Variants in ARHGEF16 observed in about 807,000 individuals in gnomAD.
The protein encoded by ARHGEF16 is Rho guanine nucleotide exchange factor 16.
A neutral mutation model predicts 74.1 loss-of-function variants in ARHGEF16; 59 were observed. The ratio of observed to expected loss-of-function variants is 0.80; its 90% confidence interval spans 0.65 to 0.99. ARHGEF16 has a LOEUF of 0.99. ARHGEF16 is among the 50% of genes least tolerant of loss of function. ARHGEF16 has a pLI of 0.00. For synonymous variants in ARHGEF16, 415 were observed against 412.6 expected, an observed-to-expected ratio of 1.01 and a Z score of -0.07; for missense variants, 948 against 986.6, an observed-to-expected ratio of 0.96 and a Z score of 0.52.
chr1:3,474,621 G>A, intron 8 of ARHGEF16, 87 bp from the exon 9 acceptor site: 2 of 1,316,460 alleles, frequency 1.5e-6, no homozygotes, highest in Non-Finnish European at 2.2e-6. Context: ...CCACCCTGCA[G>A]CCCCACACGG....
intron 4 of ARHGEF16, chr1:3,468,425 G>C (rs1365558586): frequency 5.1e-6 from 1 of 194,834 alleles, no homozygotes; most frequent in Admixed American, 5.4e-5. Context: ...GGGCCCCGAG[G>C]AGGAGGGAGC....
At chr1:3,472,903 T>C in intron 6 of ARHGEF16, 175 bp from the exon 7 acceptor site, 1 of 214,280 alleles carries the variant, frequency 4.7e-6, no homozygotes, top group South Asian at 4.6e-5. Flanking sequence ...CTGTCCAGCA[T>C]CCCAGGTCCG....
At chr1:3,455,742 A>G (rs1639252713) in intron 1 of ARHGEF16, among the ~76,000 whole-genome samples, 2 of 151,750 alleles carry the variant, frequency 1.3e-5, no homozygotes, top group South Asian at 4.2e-4. Flanking sequence ...GCAGGTCCTG[A>G]CCCCTCCGTG....
chr1:3,461,092 C>T (rs1048576878), intron 1 of ARHGEF16, among the ~76,000 whole-genome samples: 10 of 152,306 alleles, frequency 6.6e-5, no homozygotes, highest in Admixed American at 3.3e-4. Flanking sequence ...AGTTTCCACC[C>T]GCAAGAGACT....
rs1639223683 is a variant in ARHGEF16, at chr1:3,454,672, C to G, written c.-159C>G. 6.6e-6 allele frequency: 1 copy of G among 151,522 alleles called. No individual in the cohort carries two copies. Among genetic ancestry groups the G allele is most frequent in the African/African-American group, 2.4e-5 (1 of 41,292 alleles). The allele number at this position is 151,522 out of a possible 1,614,324, so 9.4% of individuals were successfully genotyped here. ...CCGCAGCCGCCGCCCTCCAGCCAGA[C>G]CGCGCAGGAAGCGGAGGAGGCGCCC... On this transcript the variant is annotated 5_prime_UTR_variant, in exon 1 of 15. Coordinates refer to ENST00000378378, the MANE Select transcript of ARHGEF16 (RefSeq NM_014448.4).
chr1:3,479,758 T>A (rs978991870), intron 13 of ARHGEF16, 54 bp from the exon 14 acceptor site: 14 of 1,586,558 alleles, frequency 8.8e-6, no homozygotes, highest in Non-Finnish European at 1.2e-5. Flanking sequence ...CGTTGGGGAG[T>A]GGAGCCTGGC....
At chr1:3,457,669 C>A (rs1012305209) in intron 1 of ARHGEF16, among the ~76,000 whole-genome samples, 2 of 152,244 alleles carry the variant, frequency 1.3e-5, no homozygotes, top group African/African-American at 4.8e-5. Context: ...CGGACAGGAA[C>A]GGACAGGCTG....
In ARHGEF16 at chr1:3,479,196, G is replaced by A. The variant is rs147027856; in HGVS notation, c.1815-321G>A. Among the ~76,000 whole-genome samples the A allele has an allele frequency of 2.7e-3, 411 of 152,348 alleles. 7 individuals carry two copies. Among genetic ancestry groups the A allele is most frequent in the African/African-American group, 9.3e-3 (388 of 41,570 alleles). Reference sequence around the variant, plus strand: ...TCTTGACTGAGGACAGCTCTGGGCCGTTTCCAGATGAGGATGCTGAGGCTG... The same window carrying A: ...TCTTGACTGAGGACAGCTCTGGGCCATTTCCAGATGAGGATGCTGAGGCTG... On this transcript the variant is annotated intron_variant, in intron 12 of 14. Coordinates refer to ENST00000378378, the MANE Select transcript of ARHGEF16 (RefSeq NM_014448.4).
At chr1:3,469,323 C>T (rs1639637980) in intron 5 of ARHGEF16, 110 bp from the exon 6 acceptor site, 1 of 1,310,336 alleles carries the variant, frequency 7.6e-7, no homozygotes, top group East Asian at 2.4e-5. Context: ...GGGTTCCTGT[C>T]CCCACCTGCC....
chr1:3,478,617 G>A lies in ARHGEF16; in HGVS notation c.1814+5G>A. 1.2e-6 allele frequency: 2 copies of A among 1,601,308 alleles called. No homozygotes were observed. The highest frequency in any genetic ancestry group is 1.7e-4 in the Middle Eastern group (1 of 5,892). On this transcript the variant is annotated splice_donor_5th_base_variant and intron_variant, in intron 12 of 14. Transcript: ENST00000378378. ...CCTGCTCTCCTCGGACTCCGCGTAA[G>A]TGGGCTCCCGGGAGGGCTGTTCCCA...
chr1:3,464,894 G>A (rs1041873457), intron 2 of ARHGEF16, among the ~76,000 whole-genome samples: 14 of 152,154 alleles, frequency 9.2e-5, no homozygotes, highest in African/African-American at 2.7e-4. Flanking sequence ...CTCAGGAGAC[G>A]CCAAGACCAC....
In ARHGEF16 at chr1:3,466,153, G is replaced by A. The variant is rs961123117; in HGVS notation, c.594G>A (p.Thr198=). The A allele has an allele frequency of 1.0e-5, 16 of 1,548,280 alleles. No individual in the cohort carries two copies. Among genetic ancestry groups the A allele is most frequent in the Admixed American group, 4.0e-5 (2 of 50,214 alleles). The change falls in exon 3 of 15, where the codon ACG becomes ACA. Residue 198 remains threonine (T), a synonymous_variant. Transcript: ENST00000378378. ...HTRSPAKNKK[T]LGRKRGHKGS... is the part of the protein sequence containing the mutation. Reference sequence around the variant, plus strand: ...TGTGTCTCTCTTTTGTGCAGAAGACGCTGGGGAGGAAACGTGGGCACAAGG... The same window carrying A: ...TGTGTCTCTCTTTTGTGCAGAAGACACTGGGGAGGAAACGTGGGCACAAGG...
intron 12 of ARHGEF16, among the ~76,000 whole-genome samples, chr1:3,479,191 G>A (rs72633378): frequency 0.066 from 10,019 of 152,312 alleles, 534 homozygotes; most frequent in East Asian, 0.18. Context: ...GGACAGCTCT[G>A]GGCCGTTTCC....
chr1:3,457,628 C>T (rs562854929), intron 1 of ARHGEF16, among the ~76,000 whole-genome samples: 136 of 152,334 alleles, frequency 8.9e-4, no homozygotes, highest in Non-Finnish European at 7.8e-4. Flanking sequence ...ACACTGGGTC[C>T]GAGATCCAGC....
intron 4 of ARHGEF16, among the ~76,000 whole-genome samples, chr1:3,467,914 C>T (rs1036914553): frequency 2.6e-5 from 4 of 151,984 alleles, no homozygotes; most frequent in African/African-American, 4.8e-5. Flanking sequence ...TGGCGGGCAG[C>T]GGGGAGGGCG....
At chr1:3,469,751 C>T (rs1639653561) in intron 6 of ARHGEF16, among the ~76,000 whole-genome samples, 158 bp downstream of exon 6, 1 of 152,236 alleles carries the variant, frequency 6.6e-6, no homozygotes, top group African/African-American at 2.4e-5. Context: ...GTGTGATGAC[C>T]TCTGAGGGTC....
chr1:3,468,366 G>A (rs989279719), intron 4 of ARHGEF16, among the ~76,000 whole-genome samples: 4 of 152,168 alleles, frequency 2.6e-5, no homozygotes, highest in African/African-American at 7.2e-5. Flanking sequence ...TGGTCCTGAC[G>A]TGCTCTACCA....
rs567294084 is a variant in ARHGEF16 at position 3,478,007 on chromosome 1, G to T, written c.1606G>T (p.Val536Phe). Residue 536 changes from valine (V) to phenylalanine (F), a missense_variant, in exon 11 of 15, where the codon GTT becomes TTT. Transcript: ENST00000378378. ...CYLFLFNDVL[V>F]VTKKKSEESY... Reference sequence around the variant, plus strand: ...CCTTTTCCTGTTCAACGATGTCCTGGTTGTGACCAAGAAGAAGAGGTGGCC... The same window carrying T: ...CCTTTTCCTGTTCAACGATGTCCTGTTTGTGACCAAGAAGAAGAGGTGGCC... 4 of 1,612,718 alleles carry T rather than the reference G, an allele frequency of 2.5e-6. No homozygotes were observed. The East Asian group carries it at 8.9e-5, about 36-fold the overall frequency.
At chr1:3,469,636 G>A (rs1639649505) in intron 6 of ARHGEF16, 43 bp downstream of exon 6, 8 of 1,608,684 alleles carry the variant, frequency 5.0e-6, no homozygotes, top group Non-Finnish European at 6.8e-6. Context: ...CCTCTGCCAG[G>A]AAGGTGCCTC....
Sources: allele counts gnomAD v4.1 joint callset (sites outside exome capture counted in the v4.1 genomes callset), GRCh38; gene constraint gnomAD v4.1.1; transcripts MANE v1.5; gene names NCBI Gene and HGNC (gene_info 2026-07-23, HGNC 2026-07-21).